Variants in FAT3 observed in about 807,000 individuals in gnomAD.
FAT3 encodes the protein protocadherin Fat 3.
FAT3 carries 95 observed loss-of-function variants against 310.2 expected under a neutral mutation model. That is an observed-to-expected ratio of 0.31 (90% confidence interval 0.26 to 0.36). The LOEUF (loss-of-function observed/expected upper bound fraction) is 0.36. Ranked by LOEUF, FAT3 falls within the 10% of genes least tolerant of loss-of-function variation. The probability of loss-of-function intolerance (pLI) is 1.00; values close to 1 mark genes in which losing one functional copy is unlikely to be tolerated. For synonymous variants in FAT3, 2,314 were observed against 2,192.9 expected (o/e 1.06, Z -1.54); for missense variants, 5,408 against 5,715.6 (o/e 0.95, Z 1.74).
chr11:92,354,779 C>A lies in FAT3; in HGVS notation c.2667C>A (p.Ala889=). Residue 889 remains alanine (A), a synonymous_variant, in exon 2 of 28, where the codon GCC becomes GCA. Coordinates refer to ENST00000525166, the MANE Select transcript of FAT3 (RefSeq NM_001367949.2). ...GCTCAACTGGAATCGTTTATGTAGC[C>A]GACCAGTTGGACCGGGAATCCAAAG... ...INSSTGIVYV[A]DQLDRESKAN... 1.2e-6 allele frequency: 2 copies of A among 1,613,832 alleles called. No homozygotes were observed. Among genetic ancestry groups the A allele is most frequent in the Middle Eastern group, 1.6e-4 (1 of 6,062 alleles).
intron 1 of FAT3, among the ~76,000 whole-genome samples, chr11:92,262,964 C>G (rs1428366393): frequency 6.6e-6 from 1 of 152,038 alleles, no homozygotes; most frequent in Non-Finnish European, 1.5e-5. Context: ...CCCCGGTTCC[C>G]TCATAATAAT....
intron 23 of FAT3, among the ~76,000 whole-genome samples, chr11:92,881,251 C>T (rs1421331353): frequency 6.6e-6 from 1 of 152,142 alleles, no homozygotes; most frequent in Non-Finnish European, 1.5e-5. Context: ...CTGGACTCTA[C>T]GGCCTATTGT....
intron 1 of FAT3, among the ~76,000 whole-genome samples, chr11:92,289,006 C>G (rs1408900840): frequency 2.0e-5 from 3 of 152,074 alleles, no homozygotes; most frequent in African/African-American, 7.2e-5. Flanking sequence ...CAATAATCTC[C>G]CCTGAGCTTC....
chr11:92,602,327 T>A, intron 3 of FAT3, among the ~76,000 whole-genome samples: 1 of 152,194 alleles, frequency 6.6e-6, no homozygotes, highest in East Asian at 1.9e-4. Context: ...GGTCTTGAAC[T>A]TCTGACCTCA....
chr11:92,790,049 A>G lies in FAT3; in HGVS notation c.4442A>G (p.Gln1481Arg), dbSNP rs760625262. The change falls in exon 8 of 28, where the codon CAG (glutamine) becomes CGG (arginine). Residue 1481 changes from glutamine (Q) to arginine (R), a missense_variant. Around this residue, in one of 5 missense-constraint regions of FAT3, gnomAD observed 4,588 missense variants for 4,809.8 expected, o/e 0.95. Coordinates refer to ENST00000525166, the MANE Select transcript of FAT3 (RefSeq NM_001367949.2). ...EDVLPDTEIL[Q>R]IEATDRDEKH... ...GTGCTTCCAGACACGGAGATCCTGC[A>G]GATTGAAGCCACAGATAGAGATGAG... 1.2e-5 allele frequency: 20 copies of G among 1,613,752 alleles called. No homozygotes were observed. The South Asian group carries it at 2.2e-4, about 18-fold the overall frequency.
intron 22 of FAT3, among the ~76,000 whole-genome samples, chr11:92,873,895 A>G (rs1317773499): frequency 6.6e-6 from 1 of 152,174 alleles, no homozygotes; most frequent in East Asian, 1.9e-4. Context: ...AAATCTGAGA[A>G]CTGGCATGAA....
rs1353766542 is a variant in FAT3, at chr11:92,679,829, G to A, written c.3608-17555G>A. ...TACACTCCAGCCTGGGCGACAGAGCGAGACTCCATCTCAAAAAAAAAAAAA... is the reference window on the plus strand; with the variant it reads ...TACACTCCAGCCTGGGCGACAGAGCAAGACTCCATCTCAAAAAAAAAAAAA... On this transcript the variant is annotated intron_variant, in intron 3 of 27. Coordinates refer to ENST00000525166, the MANE Select transcript of FAT3 (RefSeq NM_001367949.2). Among the ~76,000 whole-genome samples, 35 of 109,294 alleles carry A rather than the reference G, an allele frequency of 3.2e-4. No homozygotes were observed. The East Asian group carries it at 5.2e-3, about 16-fold the overall frequency. 71.7% of individuals were successfully genotyped at this position (109,294 alleles called of 152,430 possible).
chr11:92,782,648 T>A (rs1036545113), intron 7 of FAT3, among the ~76,000 whole-genome samples: 3 of 152,208 alleles, frequency 2.0e-5, no homozygotes, highest in Non-Finnish European at 4.4e-5. Flanking sequence ...ATTAAAAAGC[T>A]CTTTCAGATA....
chr11:92,435,392 T>C (rs1259088927), intron 2 of FAT3, among the ~76,000 whole-genome samples: 1 of 152,124 alleles, frequency 6.6e-6, no homozygotes, highest in Non-Finnish European at 1.5e-5. Flanking sequence ...AGAGGTGATA[T>C]GATAATACAG....
In FAT3 at chr11:92,663,309, G is replaced by C. The variant is rs553586280; in HGVS notation, c.3608-34075G>C. On this transcript the variant is annotated intron_variant, in intron 3 of 27. Transcript: ENST00000525166. ...GTTGAAGGAGTTAAGGGTGGGAGAA[G>C]AGATTGAGACTAGGTCACAGTGTGC... Among the ~76,000 whole-genome samples the C allele has an allele frequency of 1.2e-4, 19 of 152,296 alleles. 1 individual carries two copies. The South Asian group carries it at 3.9e-3, about 32-fold the overall frequency.
intron 6 of FAT3, among the ~76,000 whole-genome samples, chr11:92,766,081 A>G (rs1050806345): frequency 2.6e-5 from 4 of 152,156 alleles, no homozygotes; most frequent in Non-Finnish European, 5.9e-5. Flanking sequence ...AGCAGATGGA[A>G]GCATGCAGGA....
At chr11:92,766,399 G>C (rs566948951) in intron 6 of FAT3, among the ~76,000 whole-genome samples, 2 of 152,294 alleles carry the variant, frequency 1.3e-5, no homozygotes. Flanking sequence ...GCACTGCCTG[G>C]ATAGGATGGG....
At chr11:92,695,956 A>T (rs138974080) in intron 3 of FAT3, among the ~76,000 whole-genome samples, 1 of 152,220 alleles carries the variant, frequency 6.6e-6, no homozygotes, top group East Asian at 1.9e-4. Flanking sequence ...AATATAGTTA[A>T]TAATAGTGTA....
chr11:92,529,570 A>G (rs995845830), intron 3 of FAT3, among the ~76,000 whole-genome samples: 6 of 151,978 alleles, frequency 3.9e-5, no homozygotes, highest in African/African-American at 1.4e-4. Flanking sequence ...GTTTTTTCCA[A>G]TCTTCCTTCT....
intron 3 of FAT3, among the ~76,000 whole-genome samples, chr11:92,618,872 T>C (rs1182775152): frequency 6.6e-6 from 1 of 152,130 alleles, no homozygotes; most frequent in East Asian, 1.9e-4. Flanking sequence ...GAACTTCCAA[T>C]AGAAATCTGA....
intron 2 of FAT3, among the ~76,000 whole-genome samples, chr11:92,492,368 C>G (rs1437824787): frequency 1.3e-5 from 2 of 151,920 alleles, no homozygotes; most frequent in African/African-American, 4.8e-5. Context: ...TGCTGTGTGA[C>G]TACTGGCAAA....
chr11:92,778,153 C>A (rs1304762159), intron 7 of FAT3, among the ~76,000 whole-genome samples: 3 of 152,138 alleles, frequency 2.0e-5, no homozygotes, highest in Non-Finnish European at 2.9e-5. Context: ...TGTGGCCACA[C>A]CAGGCCAAAG....
At chr11:92,848,245 A>G (rs1028405725) in intron 19 of FAT3, among the ~76,000 whole-genome samples, 3 of 152,240 alleles carry the variant, frequency 2.0e-5, no homozygotes, top group African/African-American at 7.2e-5. Context: ...AAATGAAAGC[A>G]GACTTGAATT....
chr11:92,596,803 G>A (rs936434971), intron 3 of FAT3, among the ~76,000 whole-genome samples: 3 of 152,162 alleles, frequency 2.0e-5, no homozygotes, highest in African/African-American at 7.2e-5. Context: ...ATTCTGGTGA[G>A]CTTAAATGCA....
Sources: gnomAD v4.1 joint callset for allele counts (sites outside exome capture counted in the v4.1 genomes callset) on GRCh38, gnomAD v4.1.1 for gene constraint, gnomAD v4.1.1 regional missense constraint, MANE v1.5 for transcripts, NCBI Gene and HGNC (gene_info 2026-07-23, HGNC 2026-07-21) for gene names.